COL24A1: variants seen among roughly 807,000 people sequenced by gnomAD.
COL24A1 encodes collagen type XXIV alpha 1 chain.
COL24A1 carries 224 observed loss-of-function variants against 253.9 expected under a neutral mutation model. The ratio of observed to expected loss-of-function variants is 0.88; its 90% CI spans 0.79 to 0.99. COL24A1 has a LOEUF of 0.99. Ranked by LOEUF, COL24A1 falls within the 50% of genes least tolerant of loss-of-function variation. The pLI is 0.00. For synonymous variants in COL24A1, 685 were observed against 673.7 expected, an observed-to-expected ratio of 1.02 and a Z score of -0.26; for missense variants, 2,131 against 2,068.5, an observed-to-expected ratio of 1.03 and a Z score of -0.59.
intron 19 of COL24A1, among the ~76,000 whole-genome samples, chr1:86,003,268 T>G (rs1276966463): frequency 6.6e-6 from 1 of 152,224 alleles, no homozygotes; most frequent in African/African-American, 2.4e-5. Flanking sequence ...CTTGCCATTA[T>G]GTCCTGGGTT....
rs185602757 is a variant in COL24A1 at position 85,871,114 on chromosome 1, C to T, written c.3139-2279G>A. On this transcript the variant is annotated intron_variant, in intron 35 of 59. Transcript: ENST00000370571. ...AAAATCTAGAAGAAATTGATAAATT[C>T]CTGGACACACACACCCTCCCAAGAC... Among the ~76,000 whole-genome samples the T allele has an allele frequency of 1.6e-3, 236 of 152,242 alleles. 1 individual carries two copies. Among genetic ancestry groups the T allele is most frequent in the African/African-American group, 5.5e-3 (230 of 41,540 alleles).
intron 4 of COL24A1, 66 bp downstream of exon 4, chr1:86,115,259 T>C: frequency 6.5e-7 from 1 of 1,527,094 alleles, no homozygotes; most frequent in African/African-American, 1.4e-5. Flanking sequence ...TGTACAATAC[T>C]AGAAAAAACA....
intron 31 of COL24A1, among the ~76,000 whole-genome samples, chr1:85,890,082 A>G (rs1682952851): frequency 6.6e-6 from 1 of 152,122 alleles, no homozygotes; most frequent in Admixed American, 6.5e-5. Flanking sequence ...ATGTGTCAAA[A>G]CTTCCTGCTT....
intron 19 of COL24A1, among the ~76,000 whole-genome samples, chr1:85,998,234 CCT>C (rs1270183958): frequency 6.6e-6 from 1 of 152,134 alleles, no homozygotes; most frequent in Non-Finnish European, 1.5e-5. Flanking sequence ...ATGCCCTTGC[CCT>C]CTGTTTCTAC....
intron 7 of COL24A1, among the ~76,000 whole-genome samples, chr1:86,079,891 C>A (rs924907103): frequency 1.3e-5 from 2 of 152,098 alleles, no homozygotes; most frequent in African/African-American, 4.8e-5. Context: ...AATAAAACTA[C>A]CACTGGATTT....
intron 19 of COL24A1, among the ~76,000 whole-genome samples, chr1:86,016,588 C>T (rs941376340): frequency 6.6e-6 from 1 of 152,140 alleles, no homozygotes; most frequent in African/African-American, 2.4e-5. Context: ...ATATCTTTGA[C>T]TCATAGGTCT....
chr1:86,065,071 C>T (rs58715856), intron 7 of COL24A1, among the ~76,000 whole-genome samples: 126 of 152,254 alleles, frequency 8.3e-4, no homozygotes, highest in African/African-American at 2.8e-3. Context: ...GTGGTGGTGG[C>T]TCCCTGGGAT....
Position 86,031,915 on chromosome 1 carries a change from A to C in COL24A1, c.2012T>G (p.Val671Gly). ...AAACCCCGGAGGACCAGTGCCACCT[A>C]CAAGTCCCTATTGTAAAAGAAATTT... Reference protein sequence around the residue: ...PAGLDGSPGLVGGTGPPGFPG... With the variant: ...PAGLDGSPGLGGGTGPPGFPG... Residue 671 changes from valine to glycine, a missense_variant, in exon 14 of 60, where the codon GTA becomes GGA. Val to Gly is a moderately radical substitution (Grantham distance 109). Transcript: ENST00000370571. 6.2e-7 allele frequency: 1 copy of C among 1,608,702 alleles called. No individual in the cohort carries two copies. Among genetic ancestry groups the C allele is most frequent in the Non-Finnish European group, 8.5e-7 (1 of 1,177,264 alleles).
At chr1:86,003,454 C>G (rs777670615) in intron 19 of COL24A1, among the ~76,000 whole-genome samples, 7 of 152,150 alleles carry the variant, frequency 4.6e-5, no homozygotes, top group Non-Finnish European at 7.4e-5. Flanking sequence ...CTTCTCCTAG[C>G]TTATAACTAC....
chr1:85,994,942 C>G (rs1224817679), intron 19 of COL24A1, among the ~76,000 whole-genome samples: 1 of 152,148 alleles, frequency 6.6e-6, no homozygotes, highest in Non-Finnish European at 1.5e-5. Flanking sequence ...CATGATACTG[C>G]TGAGAAATTT....
chr1:85,770,328 G>GTGAC (rs1667816487), intron 53 of COL24A1, among the ~76,000 whole-genome samples: 1 of 151,360 alleles, frequency 6.6e-6, no homozygotes, highest in South Asian at 2.1e-4. Context: ...AATCTCAGCT[G>GTGAC]TGACTATGTA....
intron 10 of COL24A1, among the ~76,000 whole-genome samples, chr1:86,054,449 G>GA (rs1302604939): frequency 2.6e-5 from 4 of 151,632 alleles, no homozygotes; most frequent in East Asian, 1.9e-4. Context: ...AAATCAATAA[G>GA]AAAAAAACAA....
chr1:85,945,389 T>C (rs1689239165), intron 24 of COL24A1, among the ~76,000 whole-genome samples: 2 of 151,656 alleles, frequency 1.3e-5, no homozygotes. Context: ...AAGGATGCCC[T>C]GACTGACTGA....
chr1:85,859,462 G>T (rs1678885502), intron 37 of COL24A1, among the ~76,000 whole-genome samples: 2 of 152,128 alleles, frequency 1.3e-5, no homozygotes, highest in Non-Finnish European at 2.9e-5. Context: ...GTAAACTTCT[G>T]CACATATTTA....
At chr1:85,778,189 A>T (rs1668783840) in intron 52 of COL24A1, among the ~76,000 whole-genome samples, 1 of 150,916 alleles carries the variant, frequency 6.6e-6, no homozygotes, top group Admixed American at 6.6e-5. Context: ...CTATAGCCTC[A>T]ACTTCCTCAG....
At chr1:85,993,572 A>G (rs1446728393) in intron 19 of COL24A1, among the ~76,000 whole-genome samples, 7 of 152,104 alleles carry the variant, frequency 4.6e-5, no homozygotes, top group Non-Finnish European at 2.9e-5. Flanking sequence ...GAACAGAAAT[A>G]AAGTATTATA....
At chr1:86,005,790 T>C (rs764275384) in intron 19 of COL24A1, among the ~76,000 whole-genome samples, 3 of 152,034 alleles carry the variant, frequency 2.0e-5, no homozygotes, top group Non-Finnish European at 4.4e-5. Flanking sequence ...TTGTCACAGA[T>C]GACATGATTG....
Position 86,146,137 on chromosome 1 carries a change from C to CA in COL24A1, c.102dup (p.Val35CysfsTer51). 6.2e-7 allele frequency: 1 copy of CA among 1,611,288 alleles called. No homozygotes were observed. Among genetic ancestry groups the CA allele is most frequent in the Non-Finnish European group, 8.5e-7 (1 of 1,178,686 alleles). ...TTCTTACCTTGTTCTTGTGCATGAA[C>CA]AACCACCCCAGCCACACATAGTACA... On this transcript the variant is annotated frameshift_variant, in exon 2 of 60. Coordinates refer to ENST00000370571, the MANE Select transcript of COL24A1 (RefSeq NM_152890.7). LOFTEE classifies it high-confidence loss of function.
At chr1:85,776,982 G>A (rs1158353258) in intron 52 of COL24A1, among the ~76,000 whole-genome samples, 4 of 150,530 alleles carry the variant, frequency 2.7e-5, no homozygotes, top group Non-Finnish European at 4.4e-5. Context: ...AAGGAGTCTC[G>A]CTCTGTCACC....
Sources: gnomAD v4.1 joint callset for allele counts (sites outside exome capture counted in the v4.1 genomes callset) on GRCh38, gnomAD v4.1.1 for gene constraint, MANE v1.5 for transcripts, NCBI Gene and HGNC (gene_info 2026-07-23, HGNC 2026-07-21) for gene names.